SYCP2: variants seen among roughly 807,000 people sequenced by gnomAD.
The protein encoded by SYCP2 is synaptonemal complex protein 2.
SYCP2 carries 55 observed loss-of-function variants against 211.3 expected under a neutral mutation model. That is an observed-to-expected ratio of 0.26 (90% CI 0.21 to 0.33). SYCP2 has a LOEUF of 0.33. SYCP2 is among the 10% of genes least tolerant of loss of function. SYCP2 has a pLI of 1.00. For synonymous variants in SYCP2, 570 were observed against 555.2 expected (o/e 1.03, Z -0.37); for missense variants, 1,731 against 1,752.0 (o/e 0.99, Z 0.21).
intron 15 of SYCP2, among the ~76,000 whole-genome samples, 200 bp downstream of exon 15, chr20:59,907,164 G>A (rs918084209): frequency 6.6e-6 from 1 of 152,094 alleles, no homozygotes; most frequent in Non-Finnish European, 1.5e-5. Flanking sequence ...ACTAGACAGG[G>A]AAGGAGGTAA....
intron 34 of SYCP2, among the ~76,000 whole-genome samples, 181 bp downstream of exon 34, chr20:59,875,090 T>C (rs1368634620): frequency 6.6e-6 from 1 of 152,116 alleles, no homozygotes; most frequent in African/African-American, 2.4e-5. Context: ...AGTATCCTAG[T>C]AGCATTGTTC....
chr20:59,919,085 G>A, intron 7 of SYCP2, 73 bp downstream of exon 7: 1 of 808,508 alleles, frequency 1.2e-6, no homozygotes, highest in South Asian at 1.6e-5. Context: ...CAACACAATG[G>A]GAATTGTAAA....
rs779955529 is a variant in SYCP2 at position 59,914,254 on chromosome 20, AT to A, written c.635-4del. The A allele has an allele frequency of 2.0e-6, 3 of 1,514,696 alleles. No homozygotes were observed. Among genetic ancestry groups the A allele is most frequent in the Non-Finnish European group, 2.7e-6 (3 of 1,119,570 alleles). 93.8% of individuals were successfully genotyped at this position (1,514,696 alleles called of 1,614,324 possible). On this transcript the variant is annotated splice_polypyrimidine_tract_variant and splice_region_variant and intron_variant, in intron 10 of 44. Coordinates refer to ENST00000357552, the MANE Select transcript of SYCP2 (RefSeq NM_014258.4). ...AATGCCTACCTGTAAGTCATAATCT[AT>A]TAAAAAAATAGTTAATGTTTGATTT...
At chr20:59,920,902 G>A (rs1811033057) in intron 4 of SYCP2, among the ~76,000 whole-genome samples, 1 of 151,530 alleles carries the variant, frequency 6.6e-6, no homozygotes, top group South Asian at 2.1e-4. Flanking sequence ...CCTTAAATAT[G>A]ATTAAATTCA....
chr20:59,919,918 A>G (rs1164832487), intron 5 of SYCP2, among the ~76,000 whole-genome samples: 1 of 151,714 alleles, frequency 6.6e-6, no homozygotes, highest in African/African-American at 2.4e-5. Flanking sequence ...CCATTTTGAT[A>G]TTGTTACTAT....
chr20:59,910,371 C>CTTTTTTTT (rs1300245848), intron 14 of SYCP2, among the ~76,000 whole-genome samples: 3 of 119,198 alleles, frequency 2.5e-5, no homozygotes, highest in East Asian at 2.6e-4. Flanking sequence ...AGTGTAATTG[C>CTTTTTTTT]TTATTTTTTT....
At chr20:59,913,688 C>T (rs1177510523) in intron 12 of SYCP2, among the ~76,000 whole-genome samples, 1 of 151,902 alleles carries the variant, frequency 6.6e-6, no homozygotes, top group Non-Finnish European at 1.5e-5. Flanking sequence ...TATAGTAAGC[C>T]AATTTTGAAC....
At chr20:59,932,364 C>T (rs968381968) in intron 1 of SYCP2, among the ~76,000 whole-genome samples, 7 of 152,018 alleles carry the variant, frequency 4.6e-5, no homozygotes, top group Admixed American at 6.5e-5. Flanking sequence ...GGAAGGCGTC[C>T]TCCTCCTCCC....
At chr20:59,865,682 AT>A in intron 42 of SYCP2, 31 bp from the exon 43 acceptor site, 1 of 1,449,838 alleles carries the variant, frequency 6.9e-7, no homozygotes, top group Non-Finnish European at 9.4e-7. Flanking sequence ...TTAACCTTGT[AT>A]TTATCAATAA....
intron 24 of SYCP2, among the ~76,000 whole-genome samples, chr20:59,889,870 C>T (rs934470726): frequency 2.6e-5 from 4 of 151,776 alleles, no homozygotes; most frequent in Admixed American, 6.6e-5. Flanking sequence ...TCATCTAGCA[C>T]CAGTTAGAAT....
chr20:59,879,862 T>TATACAC (rs1469618397), intron 31 of SYCP2, among the ~76,000 whole-genome samples: 8 of 116,082 alleles, frequency 6.9e-5, no homozygotes, highest in Non-Finnish European at 1.1e-4. Flanking sequence ...TATATATATA[T>TATACAC]ACACACACAC....
chr20:59,906,763 T>C (rs142202901), intron 15 of SYCP2, among the ~76,000 whole-genome samples: 84 of 151,984 alleles, frequency 5.5e-4, no homozygotes, highest in African/African-American at 2.0e-3. Context: ...GGAGAAAACA[T>C]AGAACATATA....
rs1481061018 is a variant in SYCP2, at chr20:59,868,941, G to A, written c.3742-16C>T. 4 of 1,562,534 alleles carry A rather than the reference G, an allele frequency of 2.6e-6. No individual in the cohort carries two copies. The highest frequency in any genetic ancestry group is 3.8e-5 in the Admixed American group (2 of 53,138). ...AATGACTTTCCTAAAATACGTATTA[G>A]AAATTAGAAAAAAATTCCGTAAATA... On this transcript the variant is annotated splice_polypyrimidine_tract_variant and intron_variant, in intron 36 of 44. Coordinates refer to ENST00000357552, the MANE Select transcript of SYCP2 (RefSeq NM_014258.4).
intron 44 of SYCP2, 58 bp downstream of exon 44, chr20:59,865,330 A>G: frequency 7.1e-7 from 1 of 1,402,020 alleles, no homozygotes; most frequent in Non-Finnish European, 9.9e-7. Flanking sequence ...ACACAAAAAA[A>G]TCAAAAACAA....
At position 59,893,576 on chromosome 20, in the gene SYCP2, C is replaced by T. The variant is rs776737869; in HGVS notation, c.1683G>A (p.Lys561=). The T allele has an allele frequency of 6.2e-7, 1 of 1,608,872 alleles. No individual in the cohort carries two copies. Among genetic ancestry groups the T allele is most frequent in the Non-Finnish European group, 8.5e-7 (1 of 1,176,912 alleles). Residue 561 remains lysine (K), a synonymous_variant, in exon 21 of 45, where the codon AAG becomes AAA. Coordinates refer to ENST00000357552, the MANE Select transcript of SYCP2 (RefSeq NM_014258.4). ...DNIDKHIKTA[K]CVENTENKNV... ...TCTTATTTTCTGTGTTTTCTACACA[C>T]TTAGCAGTTTTGATATGCTGTAAAC...
At chr20:59,896,286 T>C in intron 19 of SYCP2, 143 bp downstream of exon 19, 2 of 554,468 alleles carry the variant, frequency 3.6e-6, no homozygotes, top group Non-Finnish European at 6.4e-6. Flanking sequence ...TTCTTCCCAT[T>C]AGAAGACATT....
intron 3 of SYCP2, 169 bp from the exon 4 acceptor site, chr20:59,921,622 G>T: frequency 2.6e-6 from 1 of 388,398 alleles, no homozygotes. Flanking sequence ...TGGAACAACT[G>T]AATTAGAAAT....
intron 2 of SYCP2, among the ~76,000 whole-genome samples, chr20:59,927,735 T>C (rs1726687569): frequency 6.6e-6 from 1 of 152,166 alleles, no homozygotes. Context: ...TCTATTTCTT[T>C]AATTTACATC....
chr20:59,866,940 A>G (rs746970328), intron 39 of SYCP2, among the ~76,000 whole-genome samples: 2 of 150,738 alleles, frequency 1.3e-5, no homozygotes, highest in Non-Finnish European at 1.5e-5. Context: ...TCACAAAAAC[A>G]TAAATCTAGC....
Sources: gnomAD v4.1 joint callset for allele counts (sites outside exome capture counted in the v4.1 genomes callset) on GRCh38, gnomAD v4.1.1 for gene constraint, MANE v1.5 for transcripts, NCBI Gene and HGNC (gene_info 2026-07-23, HGNC 2026-07-21) for gene names.